The following CEP78 variants were observed in gnomAD, a reference collection of about 807,000 sequenced individuals.
CEP78 encodes the protein centrosomal protein 78.
In CEP78, 76 loss-of-function variants were observed where a neutral mutation model predicts 81.2. That is an observed-to-expected ratio of 0.94 (90% CI 0.78 to 1.13). CEP78 has a LOEUF of 1.13. Among genes scored for constraint, CEP78 ranks in the 50% most tolerant of loss-of-function variants. The probability of loss-of-function intolerance (pLI) is 0.00; values close to 1 mark genes in which losing one functional copy is unlikely to be tolerated. For missense variants in CEP78, 918 were observed against 846.8 expected, an observed-to-expected ratio of 1.08 and a Z score of -1.04; for synonymous variants, 293 against 301.4, an observed-to-expected ratio of 0.97 and a Z score of 0.29.
chr9:78,258,677 T>C (rs1054270089), intron 11 of CEP78, among the ~76,000 whole-genome samples: 1 of 152,058 alleles, frequency 6.6e-6, no homozygotes, highest in Non-Finnish European at 1.5e-5. Flanking sequence ...TATTTAGAAC[T>C]AGAGAAGGAT....
intron 16 of CEP78, among the ~76,000 whole-genome samples, chr9:78,268,871 T>A (rs1320398746): frequency 2.0e-5 from 3 of 152,076 alleles, no homozygotes; most frequent in African/African-American, 7.2e-5. Context: ...TTAGCCAGGA[T>A]GATCTTGATC....
rs1485113144 is a variant in CEP78 at position 78,275,242 on chromosome 9, GATAAAAA to G, written c.*4395_*4401del. 2 of 152,262 alleles carry G rather than the reference GATAAAAA, an allele frequency of 1.3e-5. No homozygotes were observed. Among genetic ancestry groups the G allele is most frequent in the African/African-American group, 4.8e-5 (2 of 41,554 alleles). The allele number at this position is 152,262 out of a possible 1,614,324, so 9.4% of individuals were successfully genotyped here. On this transcript the variant is annotated 3_prime_UTR_variant, in exon 17 of 17. Coordinates refer to ENST00000643273, the MANE Select transcript of CEP78 (RefSeq NM_001330691.3). ...TTTAAAAATATGGATTGTAAAAATT[GATAAAAA>G]ATAGAAAATGTAAATAAACGAAACA...
rs201121890 is a variant in CEP78, at chr9:78,236,439, C to T, written c.89C>T (p.Pro30Leu). 6.2e-6 allele frequency: 10 copies of T among 1,602,354 alleles called. No individual in the cohort carries two copies. The highest frequency in any genetic ancestry group is 1.7e-4 in the Middle Eastern group (1 of 6,044). The change falls in exon 1 of 17, where the codon CCG (proline) becomes CTG (leucine). Residue 30 changes from proline (P) to leucine (L), a missense_variant. Coordinates refer to ENST00000643273, the MANE Select transcript of CEP78 (RefSeq NM_001330691.3). ...EYLCALQNSV[P>L]LPAVRACLRE... ...CTGTGCGCGCTGCAGAACTCGGTGC[C>T]GCTGCCCGCCGTGCGCGCCTGTCTC...
chr9:78,265,415 T>A lies in CEP78; in HGVS notation c.1669T>A (p.Phe557Ile). Residue 557 changes from phenylalanine to isoleucine, a missense_variant, in exon 14 of 17, where the codon TTT (phenylalanine) becomes ATT (isoleucine). Coordinates refer to ENST00000643273, the MANE Select transcript of CEP78 (RefSeq NM_001330691.3). ...AATGGCTGGGATAGATCAGTCAGAT[T>A]TTCAATTACTAGGTCATCCCCAGAT... is the stretch of plus-strand genomic sequence containing the variant. ...ATMAGIDQSD[F>I]QLLGHPQMTS... is the part of the protein sequence containing the mutation. The A allele has an allele frequency of 6.2e-7, 1 of 1,606,616 alleles. No individual in the cohort carries two copies. Among genetic ancestry groups the A allele is most frequent in the Non-Finnish European group, 8.5e-7 (1 of 1,176,704 alleles).
At chr9:78,248,199 A>G (rs1826586719) in intron 6 of CEP78, 92 bp from the exon 7 acceptor site, 2 of 710,610 alleles carry the variant, frequency 2.8e-6, no homozygotes, top group South Asian at 3.3e-5. Flanking sequence ...TTTCATGGGA[A>G]AAAGCAATAA....
rs891026757 is a variant in CEP78, at chr9:78,243,468, A to G, written c.610A>G (p.Thr204Ala). The G allele has an allele frequency of 1.9e-6, 3 of 1,612,494 alleles. No homozygotes were observed. The change falls in exon 5 of 17, where the codon ACC becomes GCC. Residue 204 changes from threonine to alanine, a missense_variant. Thr to Ala is a moderately conservative substitution (Grantham distance 58). Transcript: ENST00000643273. ...TCTTATTAAATCTTTGAAGTATCAG[A>G]CCATGAGAAGGCATGAAGAAACCTG... ...DHMAKILKYQTMRRHEETWAE... is the reference protein window; with the variant it reads ...DHMAKILKYQAMRRHEETWAE...
chr9:78,244,802 G>C (rs1563980874), intron 5 of CEP78, among the ~76,000 whole-genome samples: 1 of 152,120 alleles, frequency 6.6e-6, no homozygotes, highest in Non-Finnish European at 1.5e-5. Context: ...GCTATTTCCA[G>C]TTTTTCATTG....
chr9:78,244,954 T>C (rs1026673650), intron 5 of CEP78, among the ~76,000 whole-genome samples: 12 of 152,226 alleles, frequency 7.9e-5, no homozygotes, highest in Non-Finnish European at 1.6e-4. Flanking sequence ...GCCAATCTGA[T>C]AGAAGCATAA....
intron 5 of CEP78, among the ~76,000 whole-genome samples, chr9:78,246,340 C>T (rs1393305352): frequency 1.3e-5 from 2 of 152,288 alleles, no homozygotes; most frequent in East Asian, 3.9e-4. Context: ...TGGCTCACGC[C>T]TGTAATCCCA....
At chr9:78,249,372 G>A (rs1044573753) in intron 8 of CEP78, 6 of 152,020 alleles carry the variant, frequency 3.9e-5, no homozygotes, top group Admixed American at 3.3e-4. Flanking sequence ...TTTCAATGAT[G>A]AAATAACCTT....
chr9:78,253,366 C>T (rs1003737114), intron 10 of CEP78, 89 bp downstream of exon 10: 8 of 732,804 alleles, frequency 1.1e-5, no homozygotes, highest in East Asian at 2.7e-5. Flanking sequence ...TGAATAGAGT[C>T]GTAAGAAACA....
chr9:78,242,370 C>T (rs948338606), intron 4 of CEP78, among the ~76,000 whole-genome samples: 31 of 152,140 alleles, frequency 2.0e-4, no homozygotes, highest in Non-Finnish European at 3.2e-4. Context: ...GCCCACTCTC[C>T]GTGGGATAGA....
intron 5 of CEP78, 134 bp from the exon 6 acceptor site, chr9:78,246,535 G>A (rs1826489228): frequency 4.2e-6 from 2 of 475,790 alleles, no homozygotes; most frequent in Non-Finnish European, 7.4e-6. Context: ...GGGAGGCAGA[G>A]CTTGCAGTGA....
In CEP78 at chr9:78,275,662, G is replaced by GGCTCAT. The variant is rs1270868884; in HGVS notation, c.*4813_*4818dup. 6.6e-6 allele frequency: 1 copy of GGCTCAT among 151,810 alleles called. No homozygotes were observed. The highest frequency in any genetic ancestry group is 1.9e-4 in the East Asian group (1 of 5,192). The allele number at this position is 151,810 out of a possible 1,614,324, so 9.4% of individuals were successfully genotyped here. A position where few individuals can be genotyped will look rare whatever the true frequency, so the allele number is the denominator to read the frequency against. On this transcript the variant is annotated 3_prime_UTR_variant, in exon 17 of 17. Coordinates refer to ENST00000643273, the MANE Select transcript of CEP78 (RefSeq NM_001330691.3). ...AAACTTTAAAGGGGCCAGGTGTGGT[G>GGCTCAT]GCTCATGTCTGTAATCCCAGCACTT...
intron 1 of CEP78, among the ~76,000 whole-genome samples, chr9:78,237,407 C>T (rs1192758183): frequency 1.3e-5 from 2 of 152,084 alleles, no homozygotes; most frequent in Non-Finnish European, 2.9e-5. Context: ...TATGTTAGGT[C>T]AACTATGATA....
At chr9:78,242,631 GTTA>G (rs1217872614) in intron 4 of CEP78, among the ~76,000 whole-genome samples, 1 of 152,160 alleles carries the variant, frequency 6.6e-6, no homozygotes, top group Non-Finnish European at 1.5e-5. Context: ...CTTTTATACA[GTTA>G]TTATGAATAG....
intron 16 of CEP78, among the ~76,000 whole-genome samples, chr9:78,268,955 C>T (rs1165645978): frequency 6.6e-6 from 1 of 152,064 alleles, no homozygotes; most frequent in Non-Finnish European, 1.5e-5. Context: ...CATGCCTGGC[C>T]GCAGGTTTCT....
In CEP78 at chr9:78,275,101, G is replaced by A. The variant is rs1160871306; in HGVS notation, c.*4250G>A. 1 of 152,134 alleles carries A rather than the reference G, an allele frequency of 6.6e-6. No homozygotes were observed. Among genetic ancestry groups the A allele is most frequent in the African/African-American group, 2.4e-5 (1 of 41,442 alleles). 9.4% of individuals were successfully genotyped at this position (152,134 alleles called of 1,614,324 possible). A position where few individuals can be genotyped will look rare whatever the true frequency, so the allele number is the denominator to read the frequency against. On this transcript the variant is annotated 3_prime_UTR_variant, in exon 17 of 17. Coordinates refer to ENST00000643273, the MANE Select transcript of CEP78 (RefSeq NM_001330691.3). Reference sequence around the variant, plus strand: ...ATTGCCAGCATTAGGAATAATTTTAGAAGGATACCTACAACTAGAAGAGAT... The same window carrying A: ...ATTGCCAGCATTAGGAATAATTTTAAAAGGATACCTACAACTAGAAGAGAT...
In CEP78 at chr9:78,277,748, A is replaced by G. The variant is rs1233236128; in HGVS notation, c.*6897A>G. The G allele has an allele frequency of 1.3e-5, 2 of 152,232 alleles. No homozygotes were observed. The highest frequency in any genetic ancestry group is 4.8e-5 in the African/African-American group (2 of 41,468). The allele number at this position is 152,232 out of a possible 1,614,324, so 9.4% of individuals were successfully genotyped here. A position where few individuals can be genotyped will look rare whatever the true frequency, so the allele number is the denominator to read the frequency against. ...TCCAGCCTGAAGAAATATTCACACAAGTGCCCAAAGAGTCAGATACAAGAC... is the reference window on the plus strand; with the variant it reads ...TCCAGCCTGAAGAAATATTCACACAGGTGCCCAAAGAGTCAGATACAAGAC... On this transcript the variant is annotated 3_prime_UTR_variant, in exon 17 of 17. Coordinates refer to ENST00000643273, the MANE Select transcript of CEP78 (RefSeq NM_001330691.3).
Sources: allele counts gnomAD v4.1 joint callset (sites outside exome capture counted in the v4.1 genomes callset), GRCh38; gene constraint gnomAD v4.1.1; transcripts MANE v1.5; gene names NCBI Gene and HGNC (gene_info 2026-07-23, HGNC 2026-07-21).